ERGIC3: variants seen among roughly 807,000 people sequenced by gnomAD.
The protein encoded by ERGIC3 is endoplasmic reticulum-Golgi intermediate compartment protein 3.
ERGIC3 carries 33 observed loss-of-function variants against 54.7 expected under a neutral mutation model. The observed-to-expected ratio is 0.60, with a 90% confidence interval of 0.46 to 0.81. The LOEUF (loss-of-function observed/expected upper bound fraction) is 0.81. Ranked by LOEUF, ERGIC3 falls within the 30% of genes least tolerant of loss-of-function variation. The pLI, the probability that ERGIC3 is intolerant of heterozygous loss-of-function variation, is 0.00. For missense variants in ERGIC3, 399 were observed against 488.4 expected, an observed-to-expected ratio of 0.82 and a Z score of 1.73; for synonymous variants, 186 against 189.8, an observed-to-expected ratio of 0.98 and a Z score of 0.16.
At chr20:35,552,827 G>A (rs1455248564) in intron 7 of ERGIC3, among the ~76,000 whole-genome samples, 3 of 152,004 alleles carry the variant, frequency 2.0e-5, no homozygotes, top group African/African-American at 4.8e-5. Flanking sequence ...TGGGAGGCCC[G>A]GGTACTGGAA....
At chr20:35,550,859 A>C (rs1891125694) in intron 7 of ERGIC3, among the ~76,000 whole-genome samples, 1 of 152,104 alleles carries the variant, frequency 6.6e-6, no homozygotes, top group South Asian at 2.1e-4. Context: ...CAGGCAAAAG[A>C]TGGTGGGGCA....
At chr20:35,555,220 T>A in intron 8 of ERGIC3, 145 bp downstream of exon 8, 1 of 1,002,456 alleles carries the variant, frequency 1.0e-6, no homozygotes, top group Non-Finnish European at 1.5e-6. Context: ...GCCTGAGGGT[T>A]AAGCGAGAGT....
At chr20:35,548,944 C>A in intron 7 of ERGIC3, 79 bp downstream of exon 7, 2 of 1,537,318 alleles carry the variant, frequency 1.3e-6, no homozygotes, top group Non-Finnish European at 1.8e-6. Context: ...CTTCTGCCTG[C>A]TGCTCATTTG....
At chr20:35,549,347 T>C (rs541680086) in intron 7 of ERGIC3, 1 of 403,846 alleles carries the variant, frequency 2.5e-6, no homozygotes, top group East Asian at 7.2e-5. Context: ...TAGTTGCTTC[T>C]TCTGTAAAAT....
chr20:35,554,512 A>G (rs1166502744), intron 7 of ERGIC3: 6 of 1,026,716 alleles, frequency 5.8e-6, no homozygotes, highest in Non-Finnish European at 9.0e-6. Context: ...GGGTGACTGT[A>G]AAAGGTCTGG....
At position 35,557,059 on chromosome 20, in the gene ERGIC3, C is replaced by T. The variant is rs143458154; in HGVS notation, c.966C>T (p.Phe322=). ...GCGACCAAGGCCTTCCCGGAGTCTTCGTCCTCTATGAGCTCTCGCCCATGA... is the reference window on the plus strand; with the variant it reads ...GCGACCAAGGCCTTCCCGGAGTCTTTGTCCTCTATGAGCTCTCGCCCATGA... The part of the protein sequence containing the change: ...LLGDQGLPGV[F]VLYELSPMMV... The change falls in exon 11 of 13, where the codon TTC becomes TTT. Residue 322 remains phenylalanine (F), a synonymous_variant. Transcript: ENST00000348547. 160 of 1,614,100 alleles carry T rather than the reference C, an allele frequency of 9.9e-5. No homozygotes were observed. The highest frequency in any genetic ancestry group is 1.6e-4 in the Middle Eastern group (1 of 6,084).
At chr20:35,556,721 G>A in intron 10 of ERGIC3, 1 of 580,240 alleles carries the variant, frequency 1.7e-6, no homozygotes, top group Non-Finnish European at 3.1e-6. Context: ...ACCCCCGTGA[G>A]AACACCCACC....
At chr20:35,549,405 A>G (rs1172074140) in intron 7 of ERGIC3, 3 of 363,254 alleles carry the variant, frequency 8.3e-6, no homozygotes, top group African/African-American at 2.1e-5. Context: ...GGGGTGAACA[A>G]ATGAGATTTA....
At position 35,542,529 on chromosome 20, in the gene ERGIC3, A is replaced by G. The variant is rs758748253; in HGVS notation, c.176A>G (p.Tyr59Cys). 1.2e-6 allele frequency: 2 copies of G among 1,613,844 alleles called. No homozygotes were observed. Among genetic ancestry groups the G allele is most frequent in the African/African-American group, 1.3e-5 (1 of 74,872 alleles). ...YLTTEVHPEL[Y>C]VDKSRGDKLK... ...CTGCCCCAGGTGCATCCTGAGCTCTACGTGGACAAGTCGCGGGGAGATAAA... is the reference window on the plus strand; with the variant it reads ...CTGCCCCAGGTGCATCCTGAGCTCTGCGTGGACAAGTCGCGGGGAGATAAA... Residue 59 changes from tyrosine (Y) to cysteine (C), a missense_variant, in exon 3 of 13, where the codon TAC becomes TGC. Tyr to Cys is a radical substitution (Grantham distance 194, BLOSUM62 -2). Coordinates refer to ENST00000348547, the MANE Select transcript of ERGIC3 (RefSeq NM_015966.3).
chr20:35,552,957 C>T (rs2064689042), intron 7 of ERGIC3, among the ~76,000 whole-genome samples: 1 of 146,414 alleles, frequency 6.8e-6, no homozygotes, highest in Admixed American at 7.0e-5. Context: ...CTGGAGGTTC[C>T]ATATCGATAT....
intron 7 of ERGIC3, chr20:35,549,107 C>A: frequency 1.6e-6 from 1 of 616,786 alleles, no homozygotes; most frequent in Admixed American, 2.2e-5. Flanking sequence ...GTTTCTTAAT[C>A]TTTTTGACTC....
Position 35,542,610 on chromosome 20 carries a change from T to G in ERGIC3, c.247+10T>G. On this transcript the variant is annotated intron_variant, in intron 3 of 12. Transcript: ENST00000348547. ...CACATGCCTTGTGCCTGTGAGTACC[T>G]CACCATGGGTGGGACTGGAGAGACC... 1 of 1,613,774 alleles carries G rather than the reference T, an allele frequency of 6.2e-7. No homozygotes were observed. Among genetic ancestry groups the G allele is most frequent in the Non-Finnish European group, 8.5e-7 (1 of 1,179,834 alleles).
In ERGIC3 at chr20:35,557,029, G is replaced by A. The variant is rs201696699; in HGVS notation, c.936G>A (p.Leu312=). ...VTRHEKVANG[L]LGDQGLPGVF... ...GACATGAGAAGGTTGCCAATGGGCT[G>A]TTGGGCGACCAAGGCCTTCCCGGAG... Residue 312 remains leucine (L), a synonymous_variant, in exon 11 of 13, where the codon CTG becomes CTA. Coordinates refer to ENST00000348547, the MANE Select transcript of ERGIC3 (RefSeq NM_015966.3). 15 of 1,614,250 alleles carry A rather than the reference G, an allele frequency of 9.3e-6. No homozygotes were observed. The highest frequency in any genetic ancestry group is 1.3e-5 in the Non-Finnish European group (15 of 1,180,030).
chr20:35,542,811 C>T lies in ERGIC3; in HGVS notation c.248-11C>T, dbSNP rs768580851. 4.2e-5 allele frequency: 68 copies of T among 1,614,006 alleles called. No individual in the cohort carries two copies. The highest frequency in any genetic ancestry group is 5.6e-5 in the Non-Finnish European group (66 of 1,180,038). On this transcript the variant is annotated splice_polypyrimidine_tract_variant and intron_variant, in intron 3 of 12. Transcript: ENST00000348547. ...GGTCCCAGTACCTTAGCCTGATTTT[C>T]CTGCTTCCAGATCTGAGTATTGATG...
intron 4 of ERGIC3, among the ~76,000 whole-genome samples, chr20:35,546,130 TGAG>T (rs1159581924): frequency 6.6e-6 from 1 of 152,034 alleles, no homozygotes; most frequent in African/African-American, 2.4e-5. Flanking sequence ...TCCAGTAAAA[TGAG>T]GAGTGAGAAT....
At position 35,557,487 on chromosome 20, in the gene ERGIC3, C is replaced by T; in HGVS notation, c.1135C>T (p.Leu379=). The T allele has an allele frequency of 6.2e-7, 1 of 1,614,122 alleles. No individual in the cohort carries two copies. The highest frequency in any genetic ancestry group is 1.6e-4 in the Middle Eastern group (1 of 6,062). The change falls in exon 13 of 13, where the codon CTA becomes TTA. Residue 379 remains leucine, a synonymous_variant. Coordinates refer to ENST00000348547, the MANE Select transcript of ERGIC3 (RefSeq NM_015966.3). ...SARAIQKKID[L]GKTT ...ACGAGCCATCCAGAAGAAAATTGAT[C>T]TAGGGAAGACAACGTAGTCACCCTC...
At chr20:35,544,965 G>C (rs1415733896) in intron 4 of ERGIC3, 1 of 152,092 alleles carries the variant, frequency 6.6e-6, no homozygotes, top group African/African-American at 2.4e-5. Context: ...CCCACACCCG[G>C]CTACTTTTTG....
chr20:35,552,757 C>A (rs756857451), intron 7 of ERGIC3, among the ~76,000 whole-genome samples: 7 of 152,052 alleles, frequency 4.6e-5, no homozygotes, highest in Non-Finnish European at 1.0e-4. Flanking sequence ...GAATGGCCAA[C>A]AGAGCAAGTG....
chr20:35,550,669 C>T (rs1212695172), intron 7 of ERGIC3, among the ~76,000 whole-genome samples: 1 of 151,986 alleles, frequency 6.6e-6, no homozygotes, highest in African/African-American at 2.4e-5. Context: ...GCAGGGCTTG[C>T]AGGGGCATTG....
Sources: allele counts gnomAD v4.1 joint callset (sites outside exome capture counted in the v4.1 genomes callset), GRCh38; gene constraint gnomAD v4.1.1; transcripts MANE v1.5; gene names NCBI Gene and HGNC (gene_info 2026-07-23, HGNC 2026-07-21).